The following CPS1 variants were observed in gnomAD, a reference collection of about 807,000 sequenced individuals.
CPS1 encodes carbamoyl-phosphate synthase 1.
CPS1 carries 109 observed loss-of-function variants against 174.6 expected under a neutral mutation model. That is an observed-to-expected ratio of 0.62 (90% CI 0.53 to 0.73). The LOEUF is 0.73. Ranked by LOEUF, CPS1 falls within the 30% of genes least tolerant of loss-of-function variation. CPS1 has a pLI of 0.00. For synonymous variants in CPS1, 637 were observed against 632.0 expected, an observed-to-expected ratio of 1.01 and a Z score of -0.12; for missense variants, 1,689 against 1,821.9, an observed-to-expected ratio of 0.93 and a Z score of 1.33.
At chr2:210,643,981 CTG>C (rs1460407922) in intron 25 of CPS1, among the ~76,000 whole-genome samples, 1 of 151,992 alleles carries the variant, frequency 6.6e-6, no homozygotes, top group Non-Finnish European at 1.5e-5. Context: ...AAACTAGTAT[CTG>C]TGATATAAAT....
chr2:210,519,974 C>T (rs1197796151), intron 1 of CPS1, among the ~76,000 whole-genome samples: 1 of 151,904 alleles, frequency 6.6e-6, no homozygotes, highest in Non-Finnish European at 1.5e-5. Context: ...CATCTATATG[C>T]TTATTGTTAT....
chr2:210,557,177 CA>C (rs1485000123), intron 1 of CPS1, among the ~76,000 whole-genome samples: 2 of 152,118 alleles, frequency 1.3e-5, no homozygotes, highest in Non-Finnish European at 2.9e-5. Context: ...CTATTGCTTA[CA>C]GTTTGGATTT....
At chr2:210,490,484 T>C (rs1363772257) in intron 1 of CPS1, among the ~76,000 whole-genome samples, 1 of 152,228 alleles carries the variant, frequency 6.6e-6, no homozygotes, top group Admixed American at 6.5e-5. Flanking sequence ...ATTTTTAAAA[T>C]GATCCATATT....
chr2:210,607,020 G>A, intron 18 of CPS1, 79 bp downstream of exon 18: 5 of 1,277,884 alleles, frequency 3.9e-6, no homozygotes, highest in Non-Finnish European at 5.6e-6. Flanking sequence ...GTGGAAGACT[G>A]TACTGCATTT....
At position 210,568,355 on chromosome 2, in the gene CPS1, T is replaced by C. The variant is rs146652078; in HGVS notation, c.127-4943T>C. 1.8e-3 allele frequency among the ~76,000 whole-genome samples: 279 copies of C among 152,098 alleles called. 7 individuals carry two copies. The highest frequency in any genetic ancestry group is 0.016 in the Admixed American group (251 of 15,250). On this transcript the variant is annotated intron_variant, in intron 1 of 37. Transcript: ENST00000233072. ...GGACTTTGAATGTGAATTGAGGAATTTGGGGAATGGTGTCACCCAATTAAT... is the reference window on the plus strand; with the variant it reads ...GGACTTTGAATGTGAATTGAGGAATCTGGGGAATGGTGTCACCCAATTAAT...
upstream of CPS1, chr2:210,555,606 A>G (rs1302994846): frequency 8.8e-6 from 4 of 455,450 alleles, no homozygotes; most frequent in Admixed American, 2.4e-5. Flanking sequence ...TGAAGCTTAC[A>G]ATCTTTATGT....
chr2:210,564,219 G>C (rs1697204102), intron 1 of CPS1, among the ~76,000 whole-genome samples: 1 of 151,796 alleles, frequency 6.6e-6, no homozygotes, highest in South Asian at 2.1e-4. Context: ...CAACATCCAC[G>C]GCAGACAAAC....
chr2:210,622,113 A>G (rs1409926774), intron 21 of CPS1, among the ~76,000 whole-genome samples: 1 of 151,566 alleles, frequency 6.6e-6, no homozygotes, highest in African/African-American at 2.4e-5. Flanking sequence ...ATATTCTTAT[A>G]TACTTTTTAC....
chr2:210,505,758 A>G (rs1325927750), intron 1 of CPS1, among the ~76,000 whole-genome samples: 1 of 152,180 alleles, frequency 6.6e-6, no homozygotes, highest in Admixed American at 6.5e-5. Flanking sequence ...ACCTGGCACG[A>G]AGGGTCCTAT....
At chr2:210,507,360 A>G (rs1241478033) in intron 1 of CPS1, among the ~76,000 whole-genome samples, 1 of 152,198 alleles carries the variant, frequency 6.6e-6, no homozygotes, top group Admixed American at 6.5e-5. Context: ...CCTGCCCTAA[A>G]AGAGCTCCTG....
intron 15 of CPS1, among the ~76,000 whole-genome samples, chr2:210,601,934 G>A (rs1037193805): frequency 8.6e-5 from 13 of 151,722 alleles, no homozygotes; most frequent in Admixed American, 4.6e-4. Flanking sequence ...CTTTGACCAT[G>A]GTTCTGTTTC....
intron 10 of CPS1, among the ~76,000 whole-genome samples, chr2:210,592,559 A>G (rs930095090): frequency 1.3e-5 from 2 of 151,950 alleles, no homozygotes; most frequent in Admixed American, 6.6e-5. Context: ...TAAGATGAGG[A>G]CTTGAGTTTA....
At chr2:210,567,207 C>T (rs1435270309) in intron 1 of CPS1, among the ~76,000 whole-genome samples, 1 of 152,084 alleles carries the variant, frequency 6.6e-6, no homozygotes, top group Non-Finnish European at 1.5e-5. Flanking sequence ...GGTATTTTAA[C>T]ATTTGAACTC....
chr2:210,586,580 C>T (rs983135451), intron 6 of CPS1, among the ~76,000 whole-genome samples: 1 of 151,996 alleles, frequency 6.6e-6, no homozygotes, highest in Non-Finnish European at 1.5e-5. Context: ...ATAAGATATT[C>T]CTCTCTGTTA....
At chr2:210,599,582 T>C (rs752231176) in intron 14 of CPS1, 21 bp downstream of exon 14, 51 of 1,609,832 alleles carry the variant, frequency 3.2e-5, no homozygotes, top group Non-Finnish European at 3.8e-5. Flanking sequence ...ATAAGCTTAA[T>C]TGCAGAGTTT....
At chr2:210,508,748 A>C (rs1223281840) in intron 1 of CPS1, among the ~76,000 whole-genome samples, 3 of 152,246 alleles carry the variant, frequency 2.0e-5, no homozygotes, top group African/African-American at 7.2e-5. Context: ...AATAGTATAA[A>C]CACCTCTACG....
intron 1 of CPS1, among the ~76,000 whole-genome samples, chr2:210,558,760 C>T (rs1478327631): frequency 6.6e-6 from 1 of 152,184 alleles, no homozygotes; most frequent in East Asian, 1.9e-4. Flanking sequence ...ACCACAATCA[C>T]AACCACGACA....
intron 36 of CPS1, 63 bp downstream of exon 36, chr2:210,675,903 T>C (rs538741997): frequency 2.4e-6 from 2 of 827,544 alleles, no homozygotes; most frequent in East Asian, 4.8e-5. Context: ...AACCAGTATA[T>C]GAATATTTCA....
intron 20 of CPS1, among the ~76,000 whole-genome samples, chr2:210,613,881 G>T (rs72936123): frequency 7.9e-5 from 12 of 152,050 alleles, no homozygotes; most frequent in Non-Finnish European, 1.5e-4. Flanking sequence ...ACTGATTTCT[G>T]TTTGTTAGAG....
Sources: allele counts gnomAD v4.1 joint callset (sites outside exome capture counted in the v4.1 genomes callset), GRCh38; gene constraint gnomAD v4.1.1; transcripts MANE v1.5; gene names NCBI Gene and HGNC (gene_info 2026-07-23, HGNC 2026-07-21).